Variants in SPAG16 observed in about 807,000 individuals in gnomAD.
SPAG16 encodes the protein sperm-associated antigen 16 protein.
In SPAG16, 86 loss-of-function variants were observed where a neutral mutation model predicts 80.4. That is an observed-to-expected ratio of 1.07 (90% CI 0.90 to 1.28). SPAG16 has a LOEUF of 1.28. Among genes scored for constraint, SPAG16 ranks in the 50% most tolerant of loss-of-function variants. The pLI, the probability that SPAG16 is intolerant of heterozygous loss-of-function variation, is 0.00. For synonymous variants in SPAG16, 294 were observed against 265.9 expected (o/e 1.11, Z -1.03); for missense variants, 870 against 765.3 (o/e 1.14, Z -1.61).
intron 12 of SPAG16, among the ~76,000 whole-genome samples, chr2:213,996,018 A>G (rs2046499092): frequency 6.6e-6 from 1 of 152,212 alleles, no homozygotes; most frequent in African/African-American, 2.4e-5. Flanking sequence ...GATAACTAGC[A>G]TGAGCTTAGA....
chr2:214,059,168 C>G (rs1400001475), intron 13 of SPAG16, among the ~76,000 whole-genome samples: 1 of 140,234 alleles, frequency 7.1e-6, no homozygotes, highest in Non-Finnish European at 1.5e-5. Flanking sequence ...CAGAGCAAGA[C>G]TCTGTCTCTC....
chr2:214,089,368 G>T (rs2052011248), intron 13 of SPAG16, among the ~76,000 whole-genome samples: 1 of 152,062 alleles, frequency 6.6e-6, no homozygotes, highest in Non-Finnish European at 1.5e-5. Context: ...CAATTTCTGA[G>T]CTAGTAACCC....
chr2:213,808,030 A>G (rs2071880481), intron 10 of SPAG16, among the ~76,000 whole-genome samples: 1 of 152,224 alleles, frequency 6.6e-6, no homozygotes, highest in South Asian at 2.1e-4. Context: ...GAATCAAGAA[A>G]CACGGAAAGA....
intron 10 of SPAG16, among the ~76,000 whole-genome samples, chr2:213,541,549 G>A (rs1015919738): frequency 6.6e-6 from 1 of 152,196 alleles, no homozygotes; most frequent in Non-Finnish European, 1.5e-5. Flanking sequence ...GAACCCAAGA[G>A]GTGGAGGTTG....
intron 11 of SPAG16, among the ~76,000 whole-genome samples, chr2:213,867,467 C>G (rs2105969036): frequency 9.3e-6 from 1 of 107,934 alleles, no homozygotes; most frequent in South Asian, 5.5e-4. Flanking sequence ...TCAGGTTTCT[C>G]TTCTGCAAAA....
chr2:213,536,012 T>C lies in SPAG16; in HGVS notation c.1070+45922T>C, dbSNP rs1037768462. Among the ~76,000 whole-genome samples, 8 of 152,162 alleles carry C rather than the reference T, an allele frequency of 5.3e-5. No homozygotes were observed. In the East Asian group the frequency reaches 1.5e-3, roughly 29 times the overall value. ...GTTAAAGGAAATTTAAAGCATATTT[T>C]ATCTATTCTTTCATCCAGAGGTATG... is the stretch of plus-strand genomic sequence containing the variant. On this transcript the variant is annotated intron_variant, in intron 10 of 15. Coordinates refer to ENST00000331683, the MANE Select transcript of SPAG16 (RefSeq NM_024532.5).
At position 214,019,612 on chromosome 2, in the gene SPAG16, T is replaced by G. The variant is rs1003320284; in HGVS notation, c.1527+5535T>G. 2.6e-5 allele frequency among the ~76,000 whole-genome samples: 4 copies of G among 152,214 alleles called. No individual in the cohort carries two copies. The East Asian group carries it at 7.7e-4, about 29-fold the overall frequency. ...CAAAAAGAGTTAACCTGTTGGCTCC[T>G]GTTTGGTGCCAGACCCATGTCTGCT... On this transcript the variant is annotated intron_variant, in intron 13 of 15. Transcript: ENST00000331683.
chr2:213,405,885 T>G (rs2068584125), intron 9 of SPAG16, among the ~76,000 whole-genome samples: 1 of 152,214 alleles, frequency 6.6e-6, no homozygotes, highest in South Asian at 2.1e-4. Context: ...GATTAGTTTA[T>G]ATGTTCTAGG....
chr2:213,847,699 A>G (rs967701066), intron 10 of SPAG16, among the ~76,000 whole-genome samples: 1 of 152,192 alleles, frequency 6.6e-6, no homozygotes, highest in Non-Finnish European at 1.5e-5. Context: ...TCTTATGCCT[A>G]CATAAGTTAG....
At chr2:213,797,117 A>G (rs1019989053) in intron 10 of SPAG16, among the ~76,000 whole-genome samples, 1 of 152,174 alleles carries the variant, frequency 6.6e-6, no homozygotes, top group African/African-American at 2.4e-5. Flanking sequence ...TATTTTGTAC[A>G]GCTGTACAAT....
intron 15 of SPAG16, among the ~76,000 whole-genome samples, chr2:214,224,578 A>G (rs2058657465): frequency 6.6e-6 from 1 of 152,202 alleles, no homozygotes; most frequent in Non-Finnish European, 1.5e-5. Context: ...GGAGTTGCAG[A>G]CTAAGGGATT....
intron 11 of SPAG16, among the ~76,000 whole-genome samples, chr2:213,925,300 A>G (rs867804081): frequency 1.3e-5 from 2 of 151,586 alleles, no homozygotes; most frequent in African/African-American, 4.8e-5. Context: ...TTTCTGTAGG[A>G]GAGGACTGCT....
At chr2:213,652,373 C>T (rs2063055355) in intron 10 of SPAG16, among the ~76,000 whole-genome samples, 1 of 152,020 alleles carries the variant, frequency 6.6e-6, no homozygotes, top group South Asian at 2.1e-4. Context: ...CACAAACACT[C>T]ATGTTGGCCA....
At chr2:213,640,565 G>A (rs1182497319) in intron 10 of SPAG16, among the ~76,000 whole-genome samples, 1 of 152,130 alleles carries the variant, frequency 6.6e-6, no homozygotes, top group Non-Finnish European at 1.5e-5. Flanking sequence ...GTCTGATACT[G>A]GGGAGTGTCT....
intron 15 of SPAG16, among the ~76,000 whole-genome samples, chr2:214,231,567 TTAAAA>T (rs1396019966): frequency 1.4e-4 from 22 of 152,004 alleles, no homozygotes; most frequent in Non-Finnish European, 1.0e-4. Flanking sequence ...TATTTTCCTA[TTAAAA>T]TAAAGAAAAA....
intron 3 of SPAG16, 62 bp from the exon 4 acceptor site, chr2:213,309,997 T>C: frequency 9.4e-7 from 1 of 1,067,798 alleles, no homozygotes. Flanking sequence ...CGAAGGCTTA[T>C]CTATATCATT....
chr2:213,363,006 G>A (rs2066072701), intron 7 of SPAG16, among the ~76,000 whole-genome samples: 1 of 152,132 alleles, frequency 6.6e-6, no homozygotes, highest in Non-Finnish European at 1.5e-5. Flanking sequence ...TCCAGAGGAG[G>A]CTTAGGAGAC....
intron 13 of SPAG16, among the ~76,000 whole-genome samples, chr2:214,066,218 T>G (rs2050520434): frequency 6.6e-6 from 1 of 152,140 alleles, no homozygotes; most frequent in Non-Finnish European, 1.5e-5. Context: ...CAGCCACCTT[T>G]CCTGGCTCAC....
At chr2:213,879,735 T>C (rs1199869600) in intron 11 of SPAG16, among the ~76,000 whole-genome samples, 1 of 152,136 alleles carries the variant, frequency 6.6e-6, no homozygotes, top group Non-Finnish European at 1.5e-5. Flanking sequence ...ATGTGTGGTA[T>C]TTGGTTTTCC....
Sources: allele counts gnomAD v4.1 joint callset (sites outside exome capture counted in the v4.1 genomes callset), GRCh38; gene constraint gnomAD v4.1.1; transcripts MANE v1.5; gene names NCBI Gene and HGNC (gene_info 2026-07-23, HGNC 2026-07-21).